The following IP6K1 variants were observed in gnomAD, a reference collection of about 807,000 sequenced individuals.
IP6K1 encodes ATP:1D-myo-inositol-hexakisphosphate phosphotransferase.
In IP6K1, 13 loss-of-function variants were observed where a neutral mutation model predicts 38.3. The observed-to-expected ratio is 0.34, with a 90% CI of 0.22 to 0.54. The LOEUF is 0.54. Ranked by LOEUF, IP6K1 falls within the 20% of genes least tolerant of loss-of-function variation. The pLI is 0.92. For synonymous variants in IP6K1, 212 were observed against 229.9 expected (o/e 0.92, Z 0.70); for missense variants, 397 against 599.8 (o/e 0.66, Z 3.53).
chr3:49,753,184 C>T (rs952864080), intron 1 of IP6K1, among the ~76,000 whole-genome samples: 6 of 152,122 alleles, frequency 3.9e-5, no homozygotes, highest in Non-Finnish European at 1.5e-5. Flanking sequence ...GCTTATTATC[C>T]CACTCCAGCC....
intron 1 of IP6K1, chr3:49,775,574 C>A: frequency 2.9e-6 from 3 of 1,037,206 alleles, no homozygotes; most frequent in African/African-American, 1.6e-5. Flanking sequence ...AGACAGACCT[C>A]TTCTACGAAC....
At chr3:49,742,478 G>A (rs942246448) in intron 2 of IP6K1, among the ~76,000 whole-genome samples, 2 of 152,168 alleles carry the variant, frequency 1.3e-5, no homozygotes, top group African/African-American at 2.4e-5. Context: ...GAGCCCGGGA[G>A]GCAGAGCTTG....
chr3:49,749,737 CAGCT>C (rs1278600585), intron 1 of IP6K1, among the ~76,000 whole-genome samples: 2 of 152,082 alleles, frequency 1.3e-5, no homozygotes, highest in Non-Finnish European at 2.9e-5. Flanking sequence ...GCTGCCCAGG[CAGCT>C]AGCTATGTTT....
chr3:49,764,734 C>T (rs888338363), intron 1 of IP6K1, among the ~76,000 whole-genome samples: 1 of 151,946 alleles, frequency 6.6e-6, no homozygotes, highest in Non-Finnish European at 1.5e-5. Flanking sequence ...CAAAAATTAG[C>T]CTGGCGTGGT....
At chr3:49,745,040 G>C (rs1243045410) in intron 2 of IP6K1, among the ~76,000 whole-genome samples, 1 of 151,762 alleles carries the variant, frequency 6.6e-6, no homozygotes, top group Non-Finnish European at 1.5e-5. Flanking sequence ...CATTTATCAA[G>C]TATTTACTGA....
chr3:49,781,503 T>C (rs1381729968), intron 1 of IP6K1, among the ~76,000 whole-genome samples: 1 of 152,150 alleles, frequency 6.6e-6, no homozygotes, highest in Non-Finnish European at 1.5e-5. Context: ...TAGGTAGAAA[T>C]GGAGCTGGAC....
chr3:49,733,171 G>A (rs1293182273), intron 3 of IP6K1, among the ~76,000 whole-genome samples, 199 bp from the exon 4 acceptor site: 1 of 152,072 alleles, frequency 6.6e-6, no homozygotes, highest in Non-Finnish European at 1.5e-5. Context: ...ACTATCTTAT[G>A]TCTCTTAAAA....
chr3:49,725,590 G>C lies in IP6K1; in HGVS notation c.*1532C>G, dbSNP rs1419451807. The stretch of plus-strand genomic sequence containing the variant: ...CAGGCTTACCTTTAAAGCCAAACAG[G>C]CACTTGCCTAAAGTGACAATGAACA... On this transcript the variant is annotated 3_prime_UTR_variant, in exon 6 of 6. Coordinates refer to ENST00000321599, the MANE Select transcript of IP6K1 (RefSeq NM_153273.4). The C allele has an allele frequency of 6.5e-6, 1 of 152,716 alleles. No homozygotes were observed. The highest frequency in any genetic ancestry group is 2.4e-5 in the African/African-American group (1 of 41,472). 9.5% of individuals were successfully genotyped at this position (152,716 alleles called of 1,614,324 possible).
At chr3:49,784,951 C>CAAAA (rs1451666819) in intron 1 of IP6K1, among the ~76,000 whole-genome samples, 1 of 151,730 alleles carries the variant, frequency 6.6e-6, no homozygotes, top group East Asian at 1.9e-4. Flanking sequence ...CTCAAAAAAA[C>CAAAA]AAAACAAAAC....
At position 49,726,177 on chromosome 3, in the gene IP6K1, C is replaced by A. The variant is rs2080500160; in HGVS notation, c.*945G>T. Reference sequence around the variant, plus strand: ...CAGGCCCAGGGCCAAGAGCGCCTCACAAAGGGCTGCTGCCTTGAACTTGGC... The same window carrying A: ...CAGGCCCAGGGCCAAGAGCGCCTCAAAAAGGGCTGCTGCCTTGAACTTGGC... On this transcript the variant is annotated 3_prime_UTR_variant, in exon 6 of 6. Coordinates refer to ENST00000321599, the MANE Select transcript of IP6K1 (RefSeq NM_153273.4). 6.5e-6 allele frequency: 1 copy of A among 152,718 alleles called. No homozygotes were observed. The highest frequency in any genetic ancestry group is 2.4e-5 in the African/African-American group (1 of 41,476). The allele number at this position is 152,718 out of a possible 1,614,324, so 9.5% of individuals were successfully genotyped here.
rs2108219226 is a variant in IP6K1 at position 49,727,769 on chromosome 3, C to T, written c.793-114G>A. ...TGACCAACCTGAGCTTTTCTGCTCACCTATCTAAGTGGAACCAGGCAGGCC... is the reference window on the plus strand; with the variant it reads ...TGACCAACCTGAGCTTTTCTGCTCATCTATCTAAGTGGAACCAGGCAGGCC... On this transcript the variant is annotated intron_variant, in intron 5 of 5. Transcript: ENST00000321599. The surrounding 1 kb of genome is among the most constrained non-coding windows in gnomAD (Gnocchi z 5.9). 2 of 1,097,592 alleles carry T rather than the reference C, an allele frequency of 1.8e-6. No individual in the cohort carries two copies. Among genetic ancestry groups the T allele is most frequent in the East Asian group, 2.6e-5 (1 of 39,096 alleles). The allele number at this position is 1,097,592 out of a possible 1,614,324, so 68.0% of individuals were successfully genotyped here. A position where few individuals can be genotyped will look rare whatever the true frequency, so the allele number is the denominator to read the frequency against.
chr3:49,776,599 T>C (rs964798719), intron 1 of IP6K1, among the ~76,000 whole-genome samples: 27 of 151,934 alleles, frequency 1.8e-4, no homozygotes, highest in African/African-American at 6.0e-4. Context: ...AGTATGATAA[T>C]TGAAAAGAAG....
chr3:49,784,033 T>C (rs918338699), intron 1 of IP6K1, among the ~76,000 whole-genome samples: 2 of 152,026 alleles, frequency 1.3e-5, no homozygotes, highest in African/African-American at 4.8e-5. Context: ...TATTTATTTT[T>C]GGAGACTGAG....
intron 1 of IP6K1, among the ~76,000 whole-genome samples, chr3:49,774,955 A>G (rs1430450081): frequency 1.3e-5 from 2 of 152,130 alleles, no homozygotes; most frequent in Non-Finnish European, 2.9e-5. Flanking sequence ...TTAATATACA[A>G]CCTTCCAGAT....
intron 1 of IP6K1, among the ~76,000 whole-genome samples, chr3:49,765,730 C>A (rs564673992): frequency 6.7e-6 from 1 of 150,292 alleles, no homozygotes; most frequent in East Asian, 2.0e-4. Flanking sequence ...TAATAGTCAA[C>A]TGATACATAA....
intron 2 of IP6K1, among the ~76,000 whole-genome samples, chr3:49,739,079 C>T (rs1559704267): frequency 3.3e-5 from 5 of 152,058 alleles, no homozygotes; most frequent in African/African-American, 1.2e-4. Context: ...CAAATAAGAC[C>T]CCTCTCAAGT....
At chr3:49,767,540 C>T (rs900484316) in intron 1 of IP6K1, among the ~76,000 whole-genome samples, 2 of 152,026 alleles carry the variant, frequency 1.3e-5, no homozygotes, top group Non-Finnish European at 1.5e-5. Flanking sequence ...GATCACGCCA[C>T]TGCACTCCAG....
At chr3:49,748,731 C>T (rs568576851) in intron 1 of IP6K1, 1 of 152,852 alleles carries the variant, frequency 6.5e-6, no homozygotes, top group South Asian at 2.1e-4. Flanking sequence ...GCAGCAGGAA[C>T]CAGTTTCATG....
chr3:49,766,835 G>A (rs530595726), intron 1 of IP6K1, among the ~76,000 whole-genome samples: 2 of 150,740 alleles, frequency 1.3e-5, no homozygotes, highest in Admixed American at 6.6e-5. Flanking sequence ...CATGGTGGTG[G>A]GCATCTGTAA....
Sources: allele counts gnomAD v4.1 joint callset (sites outside exome capture counted in the v4.1 genomes callset), GRCh38; gene constraint gnomAD v4.1.1; non-coding constraint Gnocchi (gnomAD v3.1); transcripts MANE v1.5; gene names NCBI Gene and HGNC (gene_info 2026-07-23, HGNC 2026-07-21).